Variants in GREB1L observed in about 807,000 individuals in gnomAD.
The protein encoded by GREB1L is GREB1 like retinoic acid receptor coactivator.
In GREB1L, 17 loss-of-function variants were observed where a neutral mutation model predicts 200.8. That is an observed-to-expected ratio of 0.08 (90% CI 0.06 to 0.13). The LOEUF (loss-of-function observed/expected upper bound fraction) is 0.13. GREB1L is among the 10% of genes least tolerant of loss of function. The pLI is 1.00. For missense variants in GREB1L, 1,657 were observed against 2,367.7 expected (o/e 0.70, Z 6.23); for synonymous variants, 789 against 893.0 (o/e 0.88, Z 2.08).
intron 1 of GREB1L, among the ~76,000 whole-genome samples, chr18:21,320,130 A>G (rs2038929627): frequency 6.6e-6 from 1 of 152,226 alleles, no homozygotes; most frequent in Non-Finnish European, 1.5e-5. Context: ...TGAATCTGCT[A>G]TAAATTGCTG....
At chr18:21,491,663 A>C (rs1415475304) in intron 19 of GREB1L, among the ~76,000 whole-genome samples, 2 of 151,920 alleles carry the variant, frequency 1.3e-5, no homozygotes, top group South Asian at 4.2e-4. Flanking sequence ...CAGTGAGCCA[A>C]GATCGCACCA....
At position 21,354,013 on chromosome 18, in the gene GREB1L, TC is replaced by T. The variant is rs1334144797; in HGVS notation, c.-119-12012del. Among the ~76,000 whole-genome samples the T allele has an allele frequency of 5.9e-5, 9 of 152,270 alleles. No individual in the cohort carries two copies. The South Asian group carries it at 8.3e-4, about 14-fold the overall frequency. ...CGTGTTGGCCAGGCTGGTCTTGAAC[TC>T]CTGACCTCAAGTGATCCACCCACCT... On this transcript the variant is annotated intron_variant, in intron 1 of 32. Coordinates refer to ENST00000424526, the MANE Select transcript of GREB1L (RefSeq NM_001142966.3).
chr18:21,422,305 G>T (rs888919848), intron 7 of GREB1L, among the ~76,000 whole-genome samples: 1 of 152,066 alleles, frequency 6.6e-6, no homozygotes, highest in African/African-American at 2.4e-5. Context: ...AATCAAAACT[G>T]TTCTGAAACA....
At chr18:21,416,561 G>A (rs559991573) in intron 7 of GREB1L, among the ~76,000 whole-genome samples, 87 of 152,012 alleles carry the variant, frequency 5.7e-4, no homozygotes, top group African/African-American at 2.0e-3. Flanking sequence ...GCGTGGTGGC[G>A]GGCACCTGTA....
At chr18:21,314,805 T>C (rs1470722782) in intron 1 of GREB1L, among the ~76,000 whole-genome samples, 2 of 152,160 alleles carry the variant, frequency 1.3e-5, no homozygotes, top group Admixed American at 1.3e-4. Context: ...TCCAAAAATA[T>C]TTTATTTACA....
chr18:21,479,355 TAGAG>T (rs2035832440), intron 17 of GREB1L, among the ~76,000 whole-genome samples: 1 of 152,086 alleles, frequency 6.6e-6, no homozygotes, highest in Non-Finnish European at 1.5e-5. Context: ...TACCATGAAA[TAGAG>T]AAACAGGCTT....
intron 1 of GREB1L, among the ~76,000 whole-genome samples, chr18:21,318,767 C>G (rs2038909651): frequency 6.6e-6 from 1 of 152,144 alleles, no homozygotes; most frequent in Non-Finnish European, 1.5e-5. Context: ...GTCACCAGGG[C>G]TCTCCTTCCC....
rs539921586 is a variant in GREB1L at position 21,452,897 on chromosome 18, T to G, written c.1984+680T>G. On this transcript the variant is annotated intron_variant, in intron 14 of 32. Coordinates refer to ENST00000424526, the MANE Select transcript of GREB1L (RefSeq NM_001142966.3). The stretch of plus-strand genomic sequence containing the variant: ...TGCTGACAGCCACTTGGCCCCCACT[T>G]GATAGGAATGTATCATTTATATATT... Among the ~76,000 whole-genome samples, 7 of 152,334 alleles carry G rather than the reference T, an allele frequency of 4.6e-5. No individual in the cohort carries two copies. In the East Asian group the frequency reaches 9.6e-4, roughly 21 times the overall value.
Position 21,403,889 on chromosome 18 carries a change from T to C in GREB1L, c.727T>C (p.Ser243Pro), listed in dbSNP as rs1391662850. The change falls in exon 7 of 33, where the codon TCC becomes CCC. Residue 243 changes from serine to proline, a missense_variant. By Grantham distance (74) the Ser-to-Pro change is moderately conservative. Around this residue, in one of 9 missense-constraint regions of GREB1L, gnomAD observed 289 missense variants for 345.1 expected, o/e 0.84. Transcript: ENST00000424526. ...TTTTCCAGAATGTAGAAGCCGACAATCCTCTGCTTCTTGCCACTCTATTAA... is the reference window on the plus strand; with the variant it reads ...TTTTCCAGAATGTAGAAGCCGACAACCCTCTGCTTCTTGCCACTCTATTAA... The part of the protein sequence containing the change: ...ICWKECRSRQ[S>P]SASCHSIKPS... 6.4e-7 allele frequency: 1 copy of C among 1,551,416 alleles called. No homozygotes were observed. The highest frequency in any genetic ancestry group is 2.0e-5 in the Admixed American group (1 of 51,000).
At chr18:21,468,460 C>T (rs2035351607) in intron 15 of GREB1L, among the ~76,000 whole-genome samples, 2 of 152,130 alleles carry the variant, frequency 1.3e-5, no homozygotes, top group Non-Finnish European at 2.9e-5. Context: ...ATTGTGGTGA[C>T]TGTTGTCCAA....
chr18:21,269,061 C>T (rs1019748018), intron 1 of GREB1L, among the ~76,000 whole-genome samples: 1 of 152,114 alleles, frequency 6.6e-6, no homozygotes, highest in African/African-American at 2.4e-5. Flanking sequence ...AAAAGGGTTA[C>T]TTTTCATTAG....
intron 1 of GREB1L, among the ~76,000 whole-genome samples, chr18:21,281,112 A>G (rs1037066702): frequency 6.6e-6 from 1 of 152,198 alleles, no homozygotes; most frequent in African/African-American, 2.4e-5. Flanking sequence ...GCCTGCCTGG[A>G]AGTGAAGAAG....
At chr18:21,458,031 C>T (rs1399924111) in intron 15 of GREB1L, among the ~76,000 whole-genome samples, 2 of 145,758 alleles carry the variant, frequency 1.4e-5, no homozygotes, top group African/African-American at 5.2e-5. Flanking sequence ...TGCAGTGGCG[C>T]GTTCTTGGCT....
intron 1 of GREB1L, among the ~76,000 whole-genome samples, chr18:21,248,530 T>C (rs981375557): frequency 2.6e-5 from 4 of 152,202 alleles, no homozygotes; most frequent in African/African-American, 7.2e-5. Context: ...GAAATGTATA[T>C]TAAAATCACA....
chr18:21,289,562 C>T (rs1369887034), intron 1 of GREB1L, among the ~76,000 whole-genome samples: 7 of 151,874 alleles, frequency 4.6e-5, no homozygotes, highest in Admixed American at 3.3e-4. Context: ...AAAAGGCTTT[C>T]TGGTCTTATC....
rs151176164 is a variant in GREB1L, at chr18:21,434,142, A to G, written c.833-5379A>G. 9.8e-5 allele frequency among the ~76,000 whole-genome samples: 15 copies of G among 152,316 alleles called. No homozygotes were observed. In the East Asian group the frequency reaches 2.5e-3, roughly 25 times the overall value. On this transcript the variant is annotated intron_variant, in intron 7 of 32. Coordinates refer to ENST00000424526, the MANE Select transcript of GREB1L (RefSeq NM_001142966.3). ...TGGTTTGCATGACACTTTTAAAATAATAAACTCATCTAGGTAGAGATAAAT... is the reference window on the plus strand; with the variant it reads ...TGGTTTGCATGACACTTTTAAAATAGTAAACTCATCTAGGTAGAGATAAAT...
At chr18:21,430,574 T>A (rs943248156) in intron 7 of GREB1L, among the ~76,000 whole-genome samples, 1 of 149,300 alleles carries the variant, frequency 6.7e-6, no homozygotes, top group Non-Finnish European at 1.5e-5. Context: ...GGTGATTGAT[T>A]TGGGATCTTT....
intron 2 of GREB1L, among the ~76,000 whole-genome samples, chr18:21,377,001 T>C (rs1385827185): frequency 2.6e-5 from 4 of 152,112 alleles, no homozygotes; most frequent in Non-Finnish European, 5.9e-5. Flanking sequence ...CTCTGAGATA[T>C]TAACAAGCAC....
intron 7 of GREB1L, among the ~76,000 whole-genome samples, chr18:21,416,419 C>G (rs1428131241): frequency 1.3e-5 from 2 of 152,060 alleles, no homozygotes; most frequent in Non-Finnish European, 2.9e-5. Flanking sequence ...ACCCACAGAT[C>G]CAAGACATTC....
Sources: allele counts gnomAD v4.1 joint callset (sites outside exome capture counted in the v4.1 genomes callset), GRCh38; gene constraint gnomAD v4.1.1; regional missense constraint gnomAD v4.1.1; transcripts MANE v1.5; gene names NCBI Gene and HGNC (gene_info 2026-07-23, HGNC 2026-07-21).